The following CWC27 variants were observed in gnomAD, a reference collection of about 807,000 sequenced individuals.
The protein encoded by CWC27 is spliceosome-associated protein CWC27 homolog.
CWC27 carries 47 observed loss-of-function variants against 63.6 expected under a neutral mutation model. The ratio of observed to expected loss-of-function variants is 0.74; its 90% CI spans 0.58 to 0.94. The LOEUF (loss-of-function observed/expected upper bound fraction) is 0.94, where lower values mean the gene tolerates loss of function less well. Ranked by LOEUF, CWC27 falls within the 40% of genes least tolerant of loss-of-function variation. The pLI is 0.00. For synonymous variants in CWC27, 175 were observed against 179.8 expected (o/e 0.97, Z 0.22); for missense variants, 495 against 554.3 (o/e 0.89, Z 1.07).
chr5:64,957,344 G>T (rs1214502221), intron 11 of CWC27, among the ~76,000 whole-genome samples: 2 of 152,030 alleles, frequency 1.3e-5, no homozygotes, highest in Non-Finnish European at 2.9e-5. Flanking sequence ...ATCCAGAATG[G>T]CAGGGCAACA....
intron 11 of CWC27, among the ~76,000 whole-genome samples, chr5:64,960,771 G>C (rs1469500112): frequency 2.0e-5 from 3 of 146,448 alleles, no homozygotes; most frequent in African/African-American, 7.5e-5. Flanking sequence ...TCACAGAATA[G>C]CCACTCAGTA....
chr5:65,015,424 G>C (rs1436914830), intron 13 of CWC27, among the ~76,000 whole-genome samples: 1 of 152,198 alleles, frequency 6.6e-6, no homozygotes, highest in Non-Finnish European at 1.5e-5. Context: ...ATTGATGAAA[G>C]TGTTTTAAAG....
chr5:65,001,234 T>A (rs987491462), intron 13 of CWC27, among the ~76,000 whole-genome samples: 1 of 152,068 alleles, frequency 6.6e-6, no homozygotes, highest in Non-Finnish European at 1.5e-5. Flanking sequence ...AGTCTTCAGG[T>A]TTTTCTACAT....
At chr5:64,905,755 T>A (rs951370632) in intron 11 of CWC27, among the ~76,000 whole-genome samples, 1 of 152,148 alleles carries the variant, frequency 6.6e-6, no homozygotes, top group Non-Finnish European at 1.5e-5. Context: ...GGTATATATG[T>A]GCCATGTTGG....
At chr5:64,981,188 T>TAAATATA (rs1231950651) in intron 13 of CWC27, among the ~76,000 whole-genome samples, 2 of 152,270 alleles carry the variant, frequency 1.3e-5, no homozygotes, top group East Asian at 3.9e-4. Flanking sequence ...AACTCAAAGA[T>TAAATATA]AAATACTGTT....
At chr5:64,952,881 T>G (rs1748738101) in intron 11 of CWC27, among the ~76,000 whole-genome samples, 1 of 152,088 alleles carries the variant, frequency 6.6e-6, no homozygotes, top group Admixed American at 6.6e-5. Flanking sequence ...ACATCTTAGT[T>G]GCATTATTAT....
chr5:64,777,656 A>G (rs1352901063), intron 2 of CWC27, among the ~76,000 whole-genome samples: 1 of 152,096 alleles, frequency 6.6e-6, no homozygotes, highest in Non-Finnish European at 1.5e-5. Context: ...TCTTTTTTCA[A>G]TAGTGGAGAA....
chr5:64,810,930 G>A (rs897840244), intron 10 of CWC27, among the ~76,000 whole-genome samples: 2 of 152,116 alleles, frequency 1.3e-5, no homozygotes, highest in African/African-American at 2.4e-5. Flanking sequence ...TCAAGAAAGT[G>A]AGAATCAAGT....
intron 11 of CWC27, among the ~76,000 whole-genome samples, chr5:64,951,964 G>A (rs1221590822): frequency 4.0e-5 from 6 of 151,738 alleles, no homozygotes. Context: ...AATATGTTGT[G>A]TACTATATAT....
chr5:64,857,104 A>G (rs537168929), intron 10 of CWC27, among the ~76,000 whole-genome samples: 131 of 152,322 alleles, frequency 8.6e-4, no homozygotes, highest in African/African-American at 3.0e-3. Context: ...TAAGGTTTGA[A>G]TAAGTTAACA....
chr5:65,014,219 ATAC>A (rs35424271), intron 13 of CWC27, among the ~76,000 whole-genome samples: 126,991 of 147,140 alleles, frequency 0.86, 54,958 homozygotes, highest in African/African-American at 0.93. Context: ...TATATACTAT[ATAC>A]TACAATATAT....
At chr5:64,916,702 T>C (rs1199699417) in intron 11 of CWC27, among the ~76,000 whole-genome samples, 1 of 152,200 alleles carries the variant, frequency 6.6e-6, no homozygotes, top group East Asian at 1.9e-4. Flanking sequence ...GCAGAACCTG[T>C]TATCAGAAGA....
intron 11 of CWC27, among the ~76,000 whole-genome samples, chr5:64,938,135 G>C (rs553452432): frequency 2.0e-5 from 3 of 152,162 alleles, no homozygotes; most frequent in South Asian, 2.1e-4. Flanking sequence ...GTGTGAATTT[G>C]ATCCTGTCAT....
intron 11 of CWC27, among the ~76,000 whole-genome samples, chr5:64,907,285 C>A (rs948787360): frequency 6.6e-6 from 1 of 152,172 alleles, no homozygotes; most frequent in Non-Finnish European, 1.5e-5. Context: ...GATATTGATT[C>A]TTCCTATTCA....
At chr5:64,901,816 T>C (rs1747517563) in intron 11 of CWC27, among the ~76,000 whole-genome samples, 1 of 152,226 alleles carries the variant, frequency 6.6e-6, no homozygotes, top group Non-Finnish European at 1.5e-5. Context: ...TTTATATCTT[T>C]ATTCTATAAG....
At chr5:64,898,802 A>T (rs1460031151) in intron 11 of CWC27, among the ~76,000 whole-genome samples, 3 of 151,970 alleles carry the variant, frequency 2.0e-5, no homozygotes, top group Non-Finnish European at 2.9e-5. Context: ...AGTTTTTTTC[A>T]TTTTTGTCTT....
intron 11 of CWC27, among the ~76,000 whole-genome samples, chr5:64,916,885 T>TTAGTAGTAGTAGTAGTAG (rs56214406): frequency 3.5e-5 from 5 of 144,020 alleles, no homozygotes; most frequent in Admixed American, 6.9e-5. Flanking sequence ...AGTAGTAGTA[T>TTAGTAGTAGTAGTAGTAG]TAGTAGTAGT....
intron 11 of CWC27, among the ~76,000 whole-genome samples, chr5:64,929,048 T>C (rs1016665921): frequency 3.3e-5 from 5 of 152,078 alleles, no homozygotes; most frequent in Middle Eastern, 6.8e-3. Flanking sequence ...TAATAATACA[T>C]GTGTTGATGT....
At chr5:64,879,947 A>G (rs980898456) in intron 10 of CWC27, among the ~76,000 whole-genome samples, 8 of 152,146 alleles carry the variant, frequency 5.3e-5, no homozygotes, top group African/African-American at 1.7e-4. Flanking sequence ...ATTATTTTAT[A>G]CAATAGCCAA....
Sources: allele counts gnomAD v4.1 joint callset (sites outside exome capture counted in the v4.1 genomes callset), GRCh38; gene constraint gnomAD v4.1.1; transcripts MANE v1.5; gene names NCBI Gene and HGNC (gene_info 2026-07-23, HGNC 2026-07-21).